The following ARHGAP39 variants were observed in gnomAD, a reference collection of about 807,000 sequenced individuals.
The protein encoded by ARHGAP39 is rho GTPase-activating protein 39.
Under a neutral mutation model 106.9 loss-of-function variants are expected in ARHGAP39, and 44 were observed. The observed-to-expected ratio is 0.41, with a 90% CI of 0.32 to 0.53. The LOEUF (loss-of-function observed/expected upper bound fraction) is 0.53, where lower values mean the gene tolerates loss of function less well. Among genes scored for constraint, ARHGAP39 ranks in the 20% least tolerant of loss-of-function variants. The pLI is 0.21. For synonymous variants in ARHGAP39, 768 were observed against 693.2 expected (o/e 1.11, Z -1.69); for missense variants, 1,496 against 1,577.3 (o/e 0.95, Z 0.87).
At chr8:144,550,156 C>G (rs1367898784) in intron 4 of ARHGAP39, among the ~76,000 whole-genome samples, 1 of 152,058 alleles carries the variant, frequency 6.6e-6, no homozygotes, top group African/African-American at 2.4e-5. Context: ...CTCCTGTAGT[C>G]CCAGCTACTC....
At chr8:144,699,548 G>T in the ARHGAP39 span, among the ~76,000 whole-genome samples, 1 of 146,778 alleles carries the variant, frequency 6.8e-6, no homozygotes, top group Non-Finnish European at 1.5e-5. Flanking sequence ...GGCGCTGTGG[G>T]GCAAGGTGCT....
At chr8:144,688,105 CTT>C (rs201473241), upstream of ARHGAP39, among the ~76,000 whole-genome samples, 22 of 140,140 alleles carry the variant, frequency 1.6e-4, no homozygotes, top group South Asian at 2.2e-4. Context: ...ACATTTAACT[CTT>C]TTTTTTTTTT....
At chr8:144,678,986 G>A (rs950275202) in intron 1 of ARHGAP39, among the ~76,000 whole-genome samples, 74 of 152,130 alleles carry the variant, frequency 4.9e-4, no homozygotes, top group African/African-American at 1.7e-3. Flanking sequence ...ACTGGCAAGA[G>A]GACCTGGAGC....
chr8:144,563,523 A>G lies in ARHGAP39; in HGVS notation c.513-7880T>C, dbSNP rs533039543. 2.7e-4 allele frequency among the ~76,000 whole-genome samples: 41 copies of G among 152,314 alleles called. No homozygotes were observed. The East Asian group carries it at 6.7e-3, about 25-fold the overall frequency. ...TTGGCACCCTAAAATTTTAGGGCTC[A>G]GCCCTAAAATCCCAATGCTTTAGGG... On this transcript the variant is annotated intron_variant, in intron 3 of 11. Transcript: ENST00000377307.
At chr8:144,640,207 G>A (rs888635276) in intron 1 of ARHGAP39, among the ~76,000 whole-genome samples, 6 of 152,154 alleles carry the variant, frequency 3.9e-5, no homozygotes, top group African/African-American at 1.2e-4. Context: ...CTCTCGCGTG[G>A]CTCAGTTGCA....
the ARHGAP39 span, among the ~76,000 whole-genome samples, chr8:144,693,356 C>T: frequency 6.6e-6 from 1 of 151,448 alleles, no homozygotes; most frequent in Non-Finnish European, 1.5e-5. Flanking sequence ...AGCCACCGCG[C>T]CCGGCAGTAA....
chr8:144,546,933 G>A (rs1817450030), intron 5 of ARHGAP39, among the ~76,000 whole-genome samples, 194 bp downstream of exon 5: 2 of 152,222 alleles, frequency 1.3e-5, no homozygotes, highest in African/African-American at 4.8e-5. Flanking sequence ...ACCCCACGGG[G>A]CCTCCTCGTG....
At chr8:144,538,834 G>T (rs1817070297) in intron 6 of ARHGAP39, among the ~76,000 whole-genome samples, 1 of 152,122 alleles carries the variant, frequency 6.6e-6, no homozygotes, top group African/African-American at 2.4e-5. Context: ...GCCTCCCAAA[G>T]TGCTGGGATT....
chr8:144,571,259 C>T (rs1490226099), intron 3 of ARHGAP39, among the ~76,000 whole-genome samples: 3 of 152,116 alleles, frequency 2.0e-5, no homozygotes, highest in Non-Finnish European at 4.4e-5. Flanking sequence ...ACCGAATCCA[C>T]CACCATCAAA....
At chr8:144,533,531 G>A (rs1378175373) in intron 8 of ARHGAP39, among the ~76,000 whole-genome samples, 1 of 152,102 alleles carries the variant, frequency 6.6e-6, no homozygotes, top group African/African-American at 2.4e-5. Context: ...AACTCCTCCT[G>A]GGCTGCCCCT....
intron 1 of ARHGAP39, among the ~76,000 whole-genome samples, chr8:144,620,533 C>T (rs1340076090): frequency 6.7e-6 from 1 of 149,764 alleles, no homozygotes; most frequent in Admixed American, 6.6e-5. Flanking sequence ...GCCTGTGTCC[C>T]TGAGAGCATA....
intron 1 of ARHGAP39, among the ~76,000 whole-genome samples, chr8:144,623,427 C>T (rs980252580): frequency 6.6e-6 from 1 of 152,196 alleles, no homozygotes; most frequent in African/African-American, 2.4e-5. Context: ...CTATACCAAA[C>T]ACATCTAAAG....
intron 1 of ARHGAP39, among the ~76,000 whole-genome samples, chr8:144,630,034 G>A (rs1005639447): frequency 2.6e-5 from 4 of 152,184 alleles, no homozygotes; most frequent in Non-Finnish European, 4.4e-5. Flanking sequence ...CTGAACCCCA[G>A]CCCCAACAGG....
At position 144,626,606 on chromosome 8, in the gene ARHGAP39, C is replaced by G. The variant is rs559819426; in HGVS notation, c.-81-20911G>C. On this transcript the variant is annotated intron_variant, in intron 1 of 11. Coordinates refer to ENST00000377307, the MANE Select transcript of ARHGAP39 (RefSeq NM_025251.3). ...GCGGCATCCCCTGTCCCGGCGGCCC[C>G]GTTCACGGAGCACCCACTGCACTGC... Among the ~76,000 whole-genome samples the G allele has an allele frequency of 1.6e-3, 243 of 149,800 alleles. 1 individual carries two copies. The highest frequency in any genetic ancestry group is 6.9e-3 in the Middle Eastern group (2 of 288).
At chr8:144,635,912 C>T (rs1436277497) in intron 1 of ARHGAP39, among the ~76,000 whole-genome samples, 1 of 1,472 alleles carries the variant, frequency 6.8e-4, no homozygotes, top group East Asian at 0.019. Flanking sequence ...CTGAGGCTAC[C>T]GCCAGGTAGA....
At position 144,645,850 on chromosome 8, in the gene ARHGAP39, G is replaced by A. The variant is rs1821431601; in HGVS notation, c.-82+39836C>T. 6.6e-6 allele frequency among the ~76,000 whole-genome samples: 1 copy of A among 152,226 alleles called. No homozygotes were observed. Among genetic ancestry groups the A allele is most frequent in the Non-Finnish European group, 1.5e-5 (1 of 68,042 alleles). On this transcript the variant is annotated intron_variant, in intron 1 of 11. Coordinates refer to ENST00000377307, the MANE Select transcript of ARHGAP39 (RefSeq NM_025251.3). The surrounding 1 kb of genome is among the most constrained non-coding windows in gnomAD (Gnocchi z 4.4). ...CTGCAGGGGGAGCTGGGGGCAGCAG[G>A]GAGGACAGAGACACCTGCAGATGCT...
intron 1 of ARHGAP39, among the ~76,000 whole-genome samples, chr8:144,628,555 CCA>C (rs993640727): frequency 3.3e-5 from 5 of 152,268 alleles, no homozygotes; most frequent in Admixed American, 3.3e-4. Flanking sequence ...AAACCCACAA[CCA>C]CAGTGGGAGA....
intron 2 of ARHGAP39, chr8:144,583,967 G>T (rs1426949711): frequency 1.3e-5 from 2 of 152,236 alleles, no homozygotes; most frequent in Admixed American, 6.5e-5. Context: ...CACTCAAGGG[G>T]ATAAACGGTA....
intron 1 of ARHGAP39, among the ~76,000 whole-genome samples, chr8:144,643,991 T>C (rs1586633808): frequency 6.6e-6 from 1 of 152,294 alleles, no homozygotes. Flanking sequence ...CCTCGTACAC[T>C]GCAAGTAAGA....
Sources: allele counts gnomAD v4.1 joint callset (sites outside exome capture counted in the v4.1 genomes callset), GRCh38; gene constraint gnomAD v4.1.1; non-coding constraint Gnocchi (gnomAD v3.1); transcripts MANE v1.5; gene names NCBI Gene and HGNC (gene_info 2026-07-23, HGNC 2026-07-21).